Variants in HERC2 observed in about 807,000 individuals in gnomAD.
HERC2 encodes the protein HECT and RLD domain containing E3 ubiquitin protein ligase 2.
In HERC2, 102 loss-of-function variants were observed where a neutral mutation model predicts 537.7. The observed-to-expected ratio is 0.19, with a 90% CI of 0.16 to 0.22. The LOEUF (loss-of-function observed/expected upper bound fraction) is 0.22, where lower values mean the gene tolerates loss of function less well. Ranked by LOEUF, HERC2 falls within the 10% of genes least tolerant of loss-of-function variation. HERC2 has a pLI of 1.00. For synonymous variants in HERC2, 2,224 were observed against 2,466.2 expected, an observed-to-expected ratio of 0.90 and a Z score of 2.91; for missense variants, 4,236 against 6,198.2, an observed-to-expected ratio of 0.68 and a Z score of 10.63.
intron 70 of HERC2, among the ~76,000 whole-genome samples, chr15:28,147,967 G>A (rs941733933): frequency 6.6e-6 from 1 of 151,766 alleles, no homozygotes; most frequent in African/African-American, 2.4e-5. Context: ...AGCCTGGGAG[G>A]TCGAGGCTGC....
intron 50 of HERC2, among the ~76,000 whole-genome samples, chr15:28,197,481 T>C (rs1897454733): frequency 6.6e-6 from 1 of 152,274 alleles, no homozygotes; most frequent in African/African-American, 2.4e-5. Flanking sequence ...GAGCCAGGCA[T>C]GGTGGCTCAC....
Position 28,160,698 on chromosome 15 carries a change from C to T in HERC2, c.10746+2396G>A, listed in dbSNP as rs192615001. Reference sequence around the variant, plus strand: ...GTGCTTCCCAGGTGAGGCGATGCCTCGCCCTGCTTCAGCTCATGCTCGGTG... The same window carrying T: ...GTGCTTCCCAGGTGAGGCGATGCCTTGCCCTGCTTCAGCTCATGCTCGGTG... On this transcript the variant is annotated intron_variant, in intron 69 of 92. Coordinates refer to ENST00000261609, the MANE Select transcript of HERC2 (RefSeq NM_004667.6). Among the ~76,000 whole-genome samples the T allele has an allele frequency of 2.3e-3, 354 of 152,334 alleles. 2 individuals carry two copies. The highest frequency in any genetic ancestry group is 0.01 in the Middle Eastern group (3 of 294).
chr15:28,270,599 A>C, intron 10 of HERC2, 96 bp downstream of exon 10: 4 of 1,207,296 alleles, frequency 3.3e-6, no homozygotes, highest in Non-Finnish European at 4.7e-6. Flanking sequence ...CCCTACCAAT[A>C]CCAGAAAAAG....
At chr15:28,155,224 A>T (rs1239233316) in intron 69 of HERC2, among the ~76,000 whole-genome samples, 1 of 152,082 alleles carries the variant, frequency 6.6e-6, no homozygotes, top group Admixed American at 6.5e-5. Context: ...CACAATAAAC[A>T]TATGTGTGCA....
chr15:28,171,336 C>G (rs978165514), intron 65 of HERC2, among the ~76,000 whole-genome samples: 3 of 152,068 alleles, frequency 2.0e-5, no homozygotes, highest in Non-Finnish European at 4.4e-5. Flanking sequence ...GCAGAAAAAG[C>G]CAGACTCAAA....
At chr15:28,156,708 T>C (rs1194364436) in intron 69 of HERC2, among the ~76,000 whole-genome samples, 4 of 152,230 alleles carry the variant, frequency 2.6e-5, no homozygotes, top group Admixed American at 2.0e-4. Flanking sequence ...CAGGGACAAT[T>C]TGACTTCCTC....
intron 78 of HERC2, among the ~76,000 whole-genome samples, chr15:28,139,946 T>C (rs1304561358): frequency 2.0e-5 from 3 of 150,472 alleles, no homozygotes; most frequent in Non-Finnish European, 1.5e-5. Flanking sequence ...CGGGCGCCTG[T>C]TGTCCCAGCT....
Position 28,232,008 on chromosome 15 carries a change from C to G in HERC2, c.4675+1138G>C, listed in dbSNP as rs563259275. Among the ~76,000 whole-genome samples the G allele has an allele frequency of 3.3e-5, 5 of 152,174 alleles. No homozygotes were observed. In the East Asian group the frequency reaches 9.7e-4, roughly 30 times the overall value. On this transcript the variant is annotated intron_variant, in intron 30 of 92. Coordinates refer to ENST00000261609, the MANE Select transcript of HERC2 (RefSeq NM_004667.6). ...CTGTCTCCTGGGCCCAGGCTGAGTT[C>G]CTGCATGCCTGGGTTAAAGGAATCG...
chr15:28,139,791 T>C (rs1326599081), intron 78 of HERC2, among the ~76,000 whole-genome samples: 1 of 151,466 alleles, frequency 6.6e-6, no homozygotes, highest in African/African-American at 2.4e-5. Flanking sequence ...CCGGGCACGG[T>C]AGCTCATGCC....
In HERC2 at chr15:28,280,214, G is replaced by C. The variant is rs1310024530; in HGVS notation, c.396C>G (p.Thr132=). The C allele has an allele frequency of 6.2e-7, 1 of 1,614,052 alleles. No homozygotes were observed. Among genetic ancestry groups the C allele is most frequent in the South Asian group, 1.1e-5 (1 of 91,084 alleles). The change falls in exon 5 of 93, where the codon ACC becomes ACG. Residue 132 remains threonine (T), a synonymous_variant. Transcript: ENST00000261609. ...TGAGTCGCAGGGCTGAGAGGGTGGT[G>C]GTGGCTGACTGGACGGCCAGGGCCT... ...EQQALAVQSA[T]TTLSALRLKQ... is the part of the protein sequence containing the mutation.
chr15:28,127,073 G>A (rs1375857590), intron 83 of HERC2, among the ~76,000 whole-genome samples: 1 of 152,174 alleles, frequency 6.6e-6, no homozygotes, highest in Non-Finnish European at 1.5e-5. Flanking sequence ...ACACCATCAG[G>A]ATTGTCAAAT....
chr15:28,288,098 T>C (rs762309314), intron 4 of HERC2, among the ~76,000 whole-genome samples: 73 of 152,162 alleles, frequency 4.8e-4, no homozygotes, highest in Non-Finnish European at 7.6e-4. Context: ...AAAGCCAAAA[T>C]TGATACCCAG....
chr15:28,274,862 T>TCA, intron 6 of HERC2, 43 bp downstream of exon 6: 1 of 1,426,112 alleles, frequency 7.0e-7, no homozygotes, highest in Non-Finnish European at 9.9e-7. Flanking sequence ...AGTCTGTTGA[T>TCA]GTATTAGGGA....
rs1902070803 is a variant in HERC2 at position 28,233,240 on chromosome 15, G to T, written c.4581C>A (p.Asp1527Glu). 3.1e-6 allele frequency: 5 copies of T among 1,596,808 alleles called. No homozygotes were observed. In the East Asian group the frequency reaches 1.1e-4, roughly 36 times the overall value. The change falls in exon 30 of 93, where the codon GAC (aspartate) becomes GAA (glutamate). Residue 1527 changes from aspartate to glutamate, a missense_variant. Around this residue, in one of 27 missense-constraint regions of HERC2, gnomAD observed 343 missense variants for 417.2 expected, o/e 0.82. Coordinates refer to ENST00000261609, the MANE Select transcript of HERC2 (RefSeq NM_004667.6). ...ATTTAAACTTAGACATTATAGAGAG[G>T]TCATTACAAACAGCAGGTCTCAATT... is the stretch of plus-strand genomic sequence containing the variant. The part of the protein sequence containing the change: ...FNELRPAVCN[D>E]LSIMSKFKLL...
At position 28,132,205 on chromosome 15, in the gene HERC2, G is replaced by C. The variant is rs757197746; in HGVS notation, c.12465C>G (p.Ala4155=). 6.2e-7 allele frequency: 1 copy of C among 1,613,892 alleles called. No individual in the cohort carries two copies. The highest frequency in any genetic ancestry group is 8.5e-7 in the Non-Finnish European group (1 of 1,179,832). ...CGTCATCTGTGAGGCAGAGGGTCTG[G>C]GCATCTCCACTGCCACAGGCGATGT... The part of the protein sequence containing the change: ...VVDIACGSGD[A]QTLCLTDDDT... The change falls in exon 81 of 93, where the codon GCC becomes GCG. Residue 4155 remains alanine, a synonymous_variant. Coordinates refer to ENST00000261609, the MANE Select transcript of HERC2 (RefSeq NM_004667.6).
At position 28,214,812 on chromosome 15, in the gene HERC2, G is replaced by A. The variant is rs1419506674; in HGVS notation, c.6211-10C>T. The A allele has an allele frequency of 3.1e-6, 5 of 1,601,742 alleles. No individual in the cohort carries two copies. Among genetic ancestry groups the A allele is most frequent in the Non-Finnish European group, 3.4e-6 (4 of 1,174,076 alleles). ...AATGCACAGCTAAGATCTGATAAAA[G>A]AAAATTTATAACGACAAGCATTAAA... On this transcript the variant is annotated splice_polypyrimidine_tract_variant and intron_variant, in intron 39 of 92. Transcript: ENST00000261609.
chr15:28,315,657 C>T (rs572616130), intron 2 of HERC2: 26 of 655,700 alleles, frequency 4.0e-5, no homozygotes, highest in Non-Finnish European at 5.3e-5. Context: ...ATCTGGCTCT[C>T]GGCGTTAGCG....
At position 28,200,925 on chromosome 15, in the gene HERC2, A is replaced by C. The variant is rs1165323035; in HGVS notation, c.7716+531T>G. ...TTTAAAGTAGATAAAGGACTATATA[A>C]AACATAATTAGATTTTTAAAGTTTG... On this transcript the variant is annotated intron_variant, in intron 48 of 92. Coordinates refer to ENST00000261609, the MANE Select transcript of HERC2 (RefSeq NM_004667.6). Among the ~76,000 whole-genome samples the C allele has an allele frequency of 2.1e-5, 3 of 141,708 alleles. No homozygotes were observed. The East Asian group carries it at 6.0e-4, about 29-fold the overall frequency. 93.0% of individuals were successfully genotyped at this position (141,708 alleles called of 152,430 possible).
At chr15:28,171,791 T>C (rs972001527) in intron 65 of HERC2, among the ~76,000 whole-genome samples, 6 of 152,190 alleles carry the variant, frequency 3.9e-5, no homozygotes, top group Admixed American at 3.3e-4. Flanking sequence ...ACCTATACAA[T>C]AGACCGGGTG....
Sources: allele counts gnomAD v4.1 joint callset (sites outside exome capture counted in the v4.1 genomes callset), GRCh38; gene constraint gnomAD v4.1.1; regional missense constraint gnomAD v4.1.1; transcripts MANE v1.5; gene names NCBI Gene and HGNC (gene_info 2026-07-23, HGNC 2026-07-21).